Variants in KNTC1 observed in about 807,000 individuals in gnomAD.
KNTC1 encodes the protein kinetochore-associated protein 1.
A neutral mutation model predicts 314.4 loss-of-function variants in KNTC1; 253 were observed. That is an observed-to-expected ratio of 0.80 (90% CI 0.73 to 0.89). KNTC1 has a LOEUF of 0.89. KNTC1 is among the 40% of genes least tolerant of loss of function. The pLI is 0.00. For synonymous variants in KNTC1, 901 were observed against 901.4 expected, an observed-to-expected ratio of 1.00 and a Z score of 0.01; for missense variants, 2,475 against 2,572.9, an observed-to-expected ratio of 0.96 and a Z score of 0.82.
intron 38 of KNTC1, among the ~76,000 whole-genome samples, 164 bp downstream of exon 38, chr12:122,586,921 TCTC>T (rs1869424153): frequency 1.3e-5 from 2 of 152,090 alleles, no homozygotes; most frequent in African/African-American, 4.8e-5. Context: ...CTCAAGCAGT[TCTC>T]CTGCCTTAGC....
chr12:122,598,104 C>T lies in KNTC1; in HGVS notation c.4563+166C>T, dbSNP rs577242627. Among the ~76,000 whole-genome samples, 340 of 152,266 alleles carry T rather than the reference C, an allele frequency of 2.2e-3. 2 individuals are homozygous for T. Among genetic ancestry groups the T allele is most frequent in the Non-Finnish European group, 3.4e-3 (229 of 68,024 alleles). On this transcript the variant is annotated intron_variant, in intron 44 of 63. Coordinates refer to ENST00000333479, the MANE Select transcript of KNTC1 (RefSeq NM_014708.6). ...TTTTAACACAGTTAAATACAATTTT[C>T]CCATTTTTCAAAATAGAAATAGCTT...
chr12:122,606,842 C>G (rs765089498), intron 51 of KNTC1, among the ~76,000 whole-genome samples: 3 of 152,046 alleles, frequency 2.0e-5, no homozygotes, highest in Admixed American at 6.6e-5. Flanking sequence ...CCCCTTACCC[C>G]CTGAATATTT....
intron 17 of KNTC1, 36 bp from the exon 18 acceptor site, chr12:122,557,564 T>C: frequency 1.2e-6 from 2 of 1,610,540 alleles, no homozygotes; most frequent in Non-Finnish European, 1.7e-6. Context: ...TGATCAACAT[T>C]AGGTTGCCTT....
Position 122,590,913 on chromosome 12 carries a change from T to C in KNTC1, c.4128+178T>C, listed in dbSNP as rs550960434. Among the ~76,000 whole-genome samples, 12 of 152,200 alleles carry C rather than the reference T, an allele frequency of 7.9e-5. No homozygotes were observed. In the South Asian group the frequency reaches 2.3e-3, roughly 29 times the overall value. ...TACTGTTGCCTGTATATGCAAGTTA[T>C]GAGCATTGTTCAACCCAAAGAATTA... On this transcript the variant is annotated intron_variant, in intron 41 of 63. Transcript: ENST00000333479.
chr12:122,623,927 G>A (rs1874716466), intron 62 of KNTC1, among the ~76,000 whole-genome samples: 1 of 152,120 alleles, frequency 6.6e-6, no homozygotes, highest in Admixed American at 6.6e-5. Context: ...AGTTAGCCGA[G>A]CATGGTGGCG....
At chr12:122,535,501 G>A (rs1340255061) in intron 3 of KNTC1, among the ~76,000 whole-genome samples, 1 of 152,162 alleles carries the variant, frequency 6.6e-6, no homozygotes, top group Non-Finnish European at 1.5e-5. Flanking sequence ...AAATTAGCTG[G>A]CCGTGCTGGT....
At chr12:122,626,112 C>A in intron 63 of KNTC1, 93 bp from the exon 64 acceptor site, 1 of 844,248 alleles carries the variant, frequency 1.2e-6, no homozygotes, top group Non-Finnish European at 1.9e-6. Flanking sequence ...AGATTTGTAT[C>A]ACTTCACTTA....
At chr12:122,576,303 A>G (rs1266460771) in intron 29 of KNTC1, among the ~76,000 whole-genome samples, 1 of 152,060 alleles carries the variant, frequency 6.6e-6, no homozygotes, top group Non-Finnish European at 1.5e-5. Context: ...TCCCGACCTC[A>G]GGTGATCTGC....
chr12:122,624,260 CTTT>C (rs1874763769), intron 62 of KNTC1, among the ~76,000 whole-genome samples: 1 of 124,014 alleles, frequency 8.1e-6, no homozygotes, highest in Non-Finnish European at 1.9e-5. Flanking sequence ...TTCAATGCCT[CTTT>C]TTCTTTTCTT....
At chr12:122,559,603 C>T (rs1190191732) in intron 18 of KNTC1, among the ~76,000 whole-genome samples, 3 of 152,170 alleles carry the variant, frequency 2.0e-5, no homozygotes, top group East Asian at 1.9e-4. Context: ...GAGGGAGTCT[C>T]GCACTGTCAC....
At chr12:122,545,261 G>A (rs939429601) in intron 8 of KNTC1, among the ~76,000 whole-genome samples, 5 of 152,074 alleles carry the variant, frequency 3.3e-5, no homozygotes, top group African/African-American at 4.8e-5. Flanking sequence ...AGTCAGCTGC[G>A]TGTCATGGCA....
chr12:122,584,542 G>A lies in KNTC1; in HGVS notation c.3436+92G>A, dbSNP rs981676318. The A allele has an allele frequency of 4.2e-5, 37 of 887,222 alleles. 1 individual carries two copies. The highest frequency in any genetic ancestry group is 2.9e-4 in the South Asian group (16 of 55,016). The allele number at this position is 887,222 out of a possible 1,614,324, so 55.0% of individuals were successfully genotyped here. On this transcript the variant is annotated intron_variant, in intron 35 of 63. Coordinates refer to ENST00000333479, the MANE Select transcript of KNTC1 (RefSeq NM_014708.6). ...CTGTCTCTTTACAATTGGACATCAC[G>A]GTAATCAGACTAGAGATAGTATCTG... is the stretch of plus-strand genomic sequence containing the variant.
chr12:122,590,619 C>T lies in KNTC1; in HGVS notation c.4012C>T (p.Arg1338Cys), dbSNP rs752336311. 35 of 1,611,192 alleles carry T rather than the reference C, an allele frequency of 2.2e-5. No individual in the cohort carries two copies. The highest frequency in any genetic ancestry group is 1.6e-4 in the Middle Eastern group (1 of 6,078). ...TTTCTTCCTGTAGGTATTTAATTGTCGCTTGGTAGATCTTGACCTGGCGTT... is the reference window on the plus strand; with the variant it reads ...TTTCTTCCTGTAGGTATTTAATTGTTGCTTGGTAGATCTTGACCTGGCGTT... ...TTLLHKVFNC[R>C]LVDLDLALGY... Residue 1338 changes from arginine to cysteine, a missense_variant, in exon 41 of 64, where the codon CGC becomes TGC. Transcript: ENST00000333479.
intron 53 of KNTC1, 148 bp from the exon 54 acceptor site, chr12:122,612,964 C>T (rs1873336745): frequency 3.3e-6 from 2 of 600,636 alleles, no homozygotes; most frequent in East Asian, 2.7e-5. Flanking sequence ...TGTTAAGAAC[C>T]ACTGTTACAC....
intron 51 of KNTC1, among the ~76,000 whole-genome samples, chr12:122,608,592 T>C (rs1307958071): frequency 6.6e-6 from 1 of 152,212 alleles, no homozygotes; most frequent in Non-Finnish European, 1.5e-5. Context: ...AACCAGCCTT[T>C]ACAGATGTTT....
At position 122,542,245 on chromosome 12, in the gene KNTC1, T is replaced by G. The variant is rs1388141171; in HGVS notation, c.523+118T>G. ...CTTATTTTATCTTACTTGTATTTAG[T>G]TATAATTGGGTATACTGTTAAGTAT... On this transcript the variant is annotated intron_variant, in intron 6 of 63. Transcript: ENST00000333479. The G allele has an allele frequency of 1.3e-5, 9 of 675,970 alleles. No homozygotes were observed. The East Asian group carries it at 3.0e-4, about 23-fold the overall frequency. The allele number at this position is 675,970 out of a possible 1,614,324, so 41.9% of individuals were successfully genotyped here.
chr12:122,528,262 A>C (rs937569922), intron 1 of KNTC1, among the ~76,000 whole-genome samples: 14 of 152,218 alleles, frequency 9.2e-5, no homozygotes, highest in Admixed American at 8.5e-4. Context: ...CCTCACTCCC[A>C]CCCAAACACC....
chr12:122,568,850 A>G (rs1964507310), intron 21 of KNTC1, among the ~76,000 whole-genome samples: 1 of 152,168 alleles, frequency 6.6e-6, no homozygotes, highest in Admixed American at 6.5e-5. Context: ...AAAAGAAAAA[A>G]AAAAATTACT....
chr12:122,575,681 C>T, intron 28 of KNTC1, 35 bp downstream of exon 28: 1 of 1,506,612 alleles, frequency 6.6e-7, no homozygotes, highest in Non-Finnish European at 9.1e-7. Context: ...TGTTGTTATG[C>T]TCTGGAGAAA....
Sources: gnomAD v4.1 joint callset for allele counts (sites outside exome capture counted in the v4.1 genomes callset) on GRCh38, gnomAD v4.1.1 for gene constraint, MANE v1.5 for transcripts, NCBI Gene and HGNC (gene_info 2026-07-23, HGNC 2026-07-21) for gene names.